Variants in USP48 observed in about 807,000 individuals in gnomAD.
USP48 encodes the protein ubiquitin carboxyl-terminal hydrolase 48.
USP48 carries 43 observed loss-of-function variants against 150.7 expected under a neutral mutation model. That is an observed-to-expected ratio of 0.29 (90% CI 0.22 to 0.37). USP48 has a LOEUF of 0.37. Ranked by LOEUF, USP48 falls within the 10% of genes least tolerant of loss-of-function variation. The pLI, the probability that USP48 is intolerant of heterozygous loss-of-function variation, is 1.00. For missense variants in USP48, 813 were observed against 1,249.6 expected (o/e 0.65, Z 5.27); for synonymous variants, 396 against 425.9 (o/e 0.93, Z 0.86).
intron 1 of USP48, among the ~76,000 whole-genome samples, chr1:21,770,597 T>G (rs1474689589): frequency 6.7e-6 from 1 of 150,110 alleles, no homozygotes; most frequent in Non-Finnish European, 1.5e-5. Context: ...TTCTCCTGCC[T>G]CAGCCTTCTG....
intron 12 of USP48, among the ~76,000 whole-genome samples, chr1:21,723,424 G>GA (rs2097727404): frequency 6.6e-6 from 1 of 151,390 alleles, no homozygotes; most frequent in Admixed American, 6.6e-5. Context: ...GGAGGCTCGA[G>GA]AATCACTTGA....
intron 3 of USP48, 52 bp from the exon 4 acceptor site, chr1:21,753,171 T>C: frequency 1.9e-6 from 3 of 1,554,824 alleles, no homozygotes; most frequent in East Asian, 2.3e-5. Flanking sequence ...TACTTTTCTT[T>C]CCAAAAAATG....
At chr1:21,776,714 G>T (rs2097899972) in intron 1 of USP48, among the ~76,000 whole-genome samples, 1 of 152,094 alleles carries the variant, frequency 6.6e-6, no homozygotes, top group Non-Finnish European at 1.5e-5. Flanking sequence ...AGCACTTTGG[G>T]AGGCCAAGGC....
chr1:21,712,753 C>T (rs1195196165), intron 15 of USP48, among the ~76,000 whole-genome samples: 1 of 151,656 alleles, frequency 6.6e-6, no homozygotes, highest in African/African-American at 2.4e-5. Flanking sequence ...GTCAGCCTCC[C>T]GAGTAGGTGG....
chr1:21,761,108 GA>G (rs111237462), intron 1 of USP48, among the ~76,000 whole-genome samples: 11,468 of 139,310 alleles, frequency 0.082, 492 homozygotes, highest in Middle Eastern at 0.11. Context: ...AGAAAAAAAA[GA>G]AAAAAAAAAA....
chr1:21,705,770 G>C lies in USP48; in HGVS notation c.2341C>G (p.Leu781Val). ...GTCATGGAAGCAAATGTAAACATGAGGCCCCCGTGGGGACACAAAAGAGCA... is the reference window on the plus strand; with the variant it reads ...GTCATGGAAGCAAATGTAAACATGACGCCCCCGTGGGGACACAAAAGAGCA... Reference protein sequence around the residue: ...NSALLCPHGGLMFTFASMTKE... With the variant: ...NSALLCPHGGVMFTFASMTKE... The change falls in exon 19 of 27, where the codon CTC (leucine) becomes GTC (valine). Residue 781 changes from leucine to valine, a missense_variant. Physicochemically the swap from Leu to Val is conservative, Grantham distance 32. Transcript: ENST00000308271. 1.2e-6 allele frequency: 2 copies of C among 1,612,272 alleles called. No homozygotes were observed. Among genetic ancestry groups the C allele is most frequent in the Non-Finnish European group, 1.7e-6 (2 of 1,179,438 alleles).
In USP48 at chr1:21,690,030, C is replaced by T; in HGVS notation, c.2953G>A (p.Asp985Asn). 1 of 1,614,108 alleles carries T rather than the reference C, an allele frequency of 6.2e-7. No homozygotes were observed. The highest frequency in any genetic ancestry group is 8.5e-7 in the Non-Finnish European group (1 of 1,180,012). ...CCAAGGGTGCCTAGGGTGGCACAGTCATCACTTAAAATCTTTCCATCAATT... is the reference window on the plus strand; with the variant it reads ...CCAAGGGTGCCTAGGGTGGCACAGTTATCACTTAAAATCTTTCCATCAATT... ...LSIDGKILSD[D>N]CATLGTLGVI... Residue 985 changes from aspartate to asparagine, a missense_variant, in exon 24 of 27, where the codon GAC (aspartate) becomes AAC (asparagine). Coordinates refer to ENST00000308271, the MANE Select transcript of USP48 (RefSeq NM_032236.8).
intron 15 of USP48, 69 bp downstream of exon 15, chr1:21,715,320 G>A: frequency 8.0e-7 from 1 of 1,253,256 alleles, no homozygotes; most frequent in Non-Finnish European, 1.1e-6. Flanking sequence ...TGGCATGAAA[G>A]CCAGGCAGTA....
At chr1:21,751,357 A>G (rs963347471) in intron 6 of USP48, 150 bp downstream of exon 6, 43 of 616,110 alleles carry the variant, frequency 7.0e-5, no homozygotes, top group East Asian at 3.3e-4. Context: ...GGTACTTCAT[A>G]AAGTGTCTTC....
Position 21,752,917 on chromosome 1 carries a change from T to C in USP48, c.540+75A>G. 2.0e-6 allele frequency: 3 copies of C among 1,479,246 alleles called. No homozygotes were observed. In the South Asian group the frequency reaches 4.0e-5, roughly 20 times the overall value. The allele number at this position is 1,479,246 out of a possible 1,614,324, so 91.6% of individuals were successfully genotyped here. On this transcript the variant is annotated intron_variant, in intron 4 of 26. Coordinates refer to ENST00000308271, the MANE Select transcript of USP48 (RefSeq NM_032236.8). ...AATTTTTAAAAAGCATTCTACTTCA[T>C]CTCCCTTTATAAACATGCTTAGGAT...
intron 6 of USP48, 140 bp from the exon 7 acceptor site, chr1:21,748,411 G>A (rs983740091): frequency 7.0e-5 from 52 of 744,336 alleles, no homozygotes; most frequent in Non-Finnish European, 9.6e-5. Context: ...ATAAATAATG[G>A]ACACACAAAA....
chr1:21,751,889 G>A (rs1166693190), intron 5 of USP48, among the ~76,000 whole-genome samples: 2 of 151,712 alleles, frequency 1.3e-5, no homozygotes, highest in African/African-American at 2.4e-5. Context: ...GTGGTGGCGC[G>A]TTCCTGTAAT....
chr1:21,716,102 A>T (rs1415298835), intron 14 of USP48, among the ~76,000 whole-genome samples: 2 of 152,194 alleles, frequency 1.3e-5, no homozygotes, highest in East Asian at 3.8e-4. Context: ...TTTCCTTCTT[A>T]ATCTCACAGA....
intron 11 of USP48, among the ~76,000 whole-genome samples, chr1:21,725,822 A>G (rs956371097): frequency 1.3e-5 from 2 of 151,990 alleles, no homozygotes; most frequent in East Asian, 3.9e-4. Flanking sequence ...ACAGTATATC[A>G]TGGTATGGCT....
chr1:21,747,259 A>C (rs2097796697), intron 7 of USP48, 110 bp from the exon 8 acceptor site: 1 of 617,546 alleles, frequency 1.6e-6, no homozygotes, highest in Non-Finnish European at 2.6e-6. Flanking sequence ...TTCACTTCAC[A>C]ATCTTCCTCC....
chr1:21,679,841 ACG>A (rs2097560729), intron 26 of USP48, among the ~76,000 whole-genome samples: 1 of 152,054 alleles, frequency 6.6e-6, no homozygotes, highest in African/African-American at 2.4e-5. Flanking sequence ...TTACAGGCGC[ACG>A]CCACCATGCC....
intron 25 of USP48, among the ~76,000 whole-genome samples, chr1:21,685,482 T>G (rs1455111658): frequency 1.3e-5 from 2 of 152,142 alleles, no homozygotes; most frequent in Non-Finnish European, 2.9e-5. Context: ...GCCTGGTTAA[T>G]TTTTGTAATT....
chr1:21,760,781 T>G (rs570162406), intron 1 of USP48, among the ~76,000 whole-genome samples: 1 of 147,768 alleles, frequency 6.8e-6, no homozygotes, highest in African/African-American at 2.5e-5. Flanking sequence ...TTGTGATATA[T>G]AACGATATCA....
chr1:21,729,663 C>T, intron 10 of USP48, 41 bp downstream of exon 10: 1 of 1,601,736 alleles, frequency 6.2e-7, no homozygotes, highest in Non-Finnish European at 8.5e-7. Flanking sequence ...GTATGGCATT[C>T]TAAAACATTT....
Sources: allele counts gnomAD v4.1 joint callset (sites outside exome capture counted in the v4.1 genomes callset), GRCh38; gene constraint gnomAD v4.1.1; transcripts MANE v1.5; gene names NCBI Gene and HGNC (gene_info 2026-07-23, HGNC 2026-07-21).